Variants in CNTNAP5 observed in about 807,000 individuals in gnomAD.
CNTNAP5 encodes the protein contactin associated protein family member 5, also known as contactin-associated protein-like 5.
Under a neutral mutation model 150.2 loss-of-function variants are expected in CNTNAP5, and 72 were observed. That is an observed-to-expected ratio of 0.48 (90% CI 0.40 to 0.58). CNTNAP5 has a LOEUF of 0.58. Ranked by LOEUF, CNTNAP5 falls within the 20% of genes least tolerant of loss-of-function variation. CNTNAP5 has a pLI of 0.00. For synonymous variants in CNTNAP5, 672 were observed against 619.8 expected, an observed-to-expected ratio of 1.08 and a Z score of -1.25; for missense variants, 1,636 against 1,626.2, an observed-to-expected ratio of 1.01 and a Z score of -0.10.
intron 3 of CNTNAP5, among the ~76,000 whole-genome samples, chr2:124,367,661 C>A (rs931036261): frequency 6.6e-6 from 1 of 152,168 alleles, no homozygotes; most frequent in South Asian, 2.1e-4. Flanking sequence ...CATCTGAATG[C>A]AGTCTGTTGG....
intron 1 of CNTNAP5, among the ~76,000 whole-genome samples, chr2:124,162,295 A>G (rs1299964325): frequency 2.6e-5 from 4 of 152,190 alleles, no homozygotes; most frequent in African/African-American, 9.7e-5. Context: ...TTAATTTATG[A>G]CAGAGATTGT....
At chr2:124,808,132 A>C (rs1379357937) in intron 19 of CNTNAP5, among the ~76,000 whole-genome samples, 1 of 152,308 alleles carries the variant, frequency 6.6e-6, no homozygotes, top group Non-Finnish European at 1.5e-5. Flanking sequence ...GCTGTAGTGG[A>C]ATAGCACACA....
At chr2:124,646,070 G>C (rs1678196034) in intron 12 of CNTNAP5, among the ~76,000 whole-genome samples, 1 of 152,142 alleles carries the variant, frequency 6.6e-6, no homozygotes, top group African/African-American at 2.4e-5. Context: ...GATTTGGGCA[G>C]GGACAAATAT....
intron 19 of CNTNAP5, among the ~76,000 whole-genome samples, chr2:124,827,312 T>A (rs937489142): frequency 1.3e-5 from 2 of 151,882 alleles, no homozygotes; most frequent in Non-Finnish European, 2.9e-5. Flanking sequence ...TGGTGGCGAG[T>A]CACAGGGGTT....
At chr2:124,720,510 C>T (rs188818175) in intron 13 of CNTNAP5, among the ~76,000 whole-genome samples, 4 of 152,092 alleles carry the variant, frequency 2.6e-5, no homozygotes, top group South Asian at 2.1e-4. Context: ...CAAAAAGAAC[C>T]TTCTTTGCAT....
At chr2:124,553,576 T>C (rs1695682483) in intron 10 of CNTNAP5, among the ~76,000 whole-genome samples, 1 of 150,870 alleles carries the variant, frequency 6.6e-6, no homozygotes, top group Non-Finnish European at 1.5e-5. Context: ...AAAAAAAGAA[T>C]GCAAATAAAA....
At chr2:124,489,280 A>C (rs1693964646) in intron 7 of CNTNAP5, among the ~76,000 whole-genome samples, 1 of 152,194 alleles carries the variant, frequency 6.6e-6, no homozygotes, top group African/African-American at 2.4e-5. Context: ...GGAAGCTGGA[A>C]GTCCAACATG....
rs576044939 is a variant in CNTNAP5, at chr2:124,264,878, A to ACGTGT, written c.381+22486_381+22490dup. 5.3e-5 allele frequency among the ~76,000 whole-genome samples: 8 copies of ACGTGT among 152,310 alleles called. No homozygotes were observed. In the East Asian group the frequency reaches 1.5e-3, roughly 29 times the overall value. ...GTGTCTGTGAAGTGTGTGCATGGGC[A>ACGTGT]CGTGTATCTGAGTCTGTGTCTGTGT... On this transcript the variant is annotated intron_variant, in intron 3 of 23. Coordinates refer to ENST00000682447, the MANE Select transcript of CNTNAP5 (RefSeq NM_001367498.1).
At chr2:124,759,938 CTTTTTTTTTTT>C (rs571408475) in intron 14 of CNTNAP5, among the ~76,000 whole-genome samples, 5 of 83,646 alleles carry the variant, frequency 6.0e-5, no homozygotes, top group East Asian at 4.5e-4. Flanking sequence ...ACTCCTCGGT[CTTTTTTTTTTT>C]TTTTTTTTTT....
At chr2:124,613,267 G>A (rs1677423167) in intron 12 of CNTNAP5, among the ~76,000 whole-genome samples, 1 of 152,188 alleles carries the variant, frequency 6.6e-6, no homozygotes, top group African/African-American at 2.4e-5. Context: ...GTGGTCCAGG[G>A]AAGAGAGTCA....
At chr2:124,545,331 C>T (rs546341803) in intron 10 of CNTNAP5, among the ~76,000 whole-genome samples, 5 of 152,088 alleles carry the variant, frequency 3.3e-5, no homozygotes, top group South Asian at 4.2e-4. Context: ...CATGTGAGTT[C>T]GTTTTCTAGG....
chr2:124,101,974 G>A (rs79031171), intron 1 of CNTNAP5, among the ~76,000 whole-genome samples: 87 of 152,208 alleles, frequency 5.7e-4, no homozygotes, highest in African/African-American at 1.5e-3. Context: ...AGGCTGGTGG[G>A]GTTGCTGACA....
chr2:124,588,714 C>G (rs1696611212), intron 11 of CNTNAP5, among the ~76,000 whole-genome samples: 1 of 152,090 alleles, frequency 6.6e-6, no homozygotes, highest in South Asian at 2.1e-4. Flanking sequence ...ATGTTAGTCA[C>G]AACAACATTC....
In CNTNAP5 at chr2:124,474,806, G is replaced by C; in HGVS notation, c.986G>C (p.Cys329Ser). The change falls in exon 7 of 24, where the codon TGC becomes TCC. Residue 329 changes from cysteine to serine, a missense_variant. Transcript: ENST00000682447. ...TTTTTAAAGAAAAACTTCCATGGAT[G>C]CATCGAAAACCTTTACTACAATGGA... is the stretch of plus-strand genomic sequence containing the variant. ...GTFLKKNFHG[C>S]IENLYYNGVN... 6.2e-7 allele frequency: 1 copy of C among 1,605,800 alleles called. No homozygotes were observed. The highest frequency in any genetic ancestry group is 8.5e-7 in the Non-Finnish European group (1 of 1,176,830).
intron 1 of CNTNAP5, among the ~76,000 whole-genome samples, chr2:124,107,010 G>A (rs115891353): frequency 0.011 from 1,608 of 151,302 alleles, 35 homozygotes; most frequent in African/African-American, 0.037. Flanking sequence ...GTTCAGATCA[G>A]TGCTCCTGAA....
At chr2:124,510,518 T>TATATAC (rs10641959) in intron 8 of CNTNAP5, among the ~76,000 whole-genome samples, 49 of 124,890 alleles carry the variant, frequency 3.9e-4, no homozygotes, top group East Asian at 9.0e-4. Flanking sequence ...TATATATATA[T>TATATAC]ACATATATCT....
chr2:124,481,208 G>A (rs923169881), intron 7 of CNTNAP5, among the ~76,000 whole-genome samples: 1 of 152,084 alleles, frequency 6.6e-6, no homozygotes, highest in African/African-American at 2.4e-5. Context: ...GTCCCTTGGG[G>A]CTATTTTGCA....
At chr2:124,051,594 A>G (rs1249718619) in intron 1 of CNTNAP5, among the ~76,000 whole-genome samples, 1 of 152,240 alleles carries the variant, frequency 6.6e-6, no homozygotes, top group African/African-American at 2.4e-5. Context: ...GCTTTGTAGC[A>G]GAGAAGCAGG....
intron 3 of CNTNAP5, among the ~76,000 whole-genome samples, chr2:124,257,784 G>C (rs1177207908): frequency 1.3e-5 from 2 of 151,688 alleles, no homozygotes; most frequent in East Asian, 3.9e-4. Flanking sequence ...AAACTGGATA[G>C]AGTGATTTTG....
Sources: allele counts gnomAD v4.1 joint callset (sites outside exome capture counted in the v4.1 genomes callset), GRCh38; gene constraint gnomAD v4.1.1; transcripts MANE v1.5; gene names NCBI Gene and HGNC (gene_info 2026-07-23, HGNC 2026-07-21).